Variants in FNDC1 observed in about 807,000 individuals in gnomAD.
FNDC1 encodes the protein fibronectin type III domain containing 1, also known as fibronectin type III domain-containing protein 1.
In FNDC1, 96 loss-of-function variants were observed where a neutral mutation model predicts 168.0. That is an observed-to-expected ratio of 0.57 (90% confidence interval 0.48 to 0.68). The LOEUF (loss-of-function observed/expected upper bound fraction) is 0.68. Ranked by LOEUF, FNDC1 falls within the 30% of genes least tolerant of loss-of-function variation. The probability of loss-of-function intolerance (pLI) is 0.00; values close to 1 mark genes in which losing one functional copy is unlikely to be tolerated. For missense variants in FNDC1, 2,587 were observed against 2,482.1 expected (o/e 1.04, Z -0.90); for synonymous variants, 1,099 against 1,025.9 (o/e 1.07, Z -1.36).
chr6:159,221,812 T>A, intron 6 of FNDC1, 116 bp downstream of exon 6: 1 of 852,566 alleles, frequency 1.2e-6, no homozygotes, highest in Non-Finnish European at 1.9e-6. Context: ...CTAAAAGAAA[T>A]AACAGGGCAA....
At chr6:159,174,454 T>G (rs1442776244) in intron 1 of FNDC1, among the ~76,000 whole-genome samples, 1 of 152,262 alleles carries the variant, frequency 6.6e-6, no homozygotes, top group South Asian at 2.1e-4. Context: ...TAGAGGGCGC[T>G]CCTGGACTTC....
chr6:159,199,614 T>C (rs796711366), intron 2 of FNDC1, among the ~76,000 whole-genome samples: 6 of 152,346 alleles, frequency 3.9e-5, no homozygotes, highest in African/African-American at 1.2e-4. Flanking sequence ...GGAAGGATTA[T>C]TAGTAGTGAC....
At chr6:159,222,934 T>C (rs1442241683) in intron 6 of FNDC1, among the ~76,000 whole-genome samples, 1 of 151,996 alleles carries the variant, frequency 6.6e-6, no homozygotes, top group African/African-American at 2.4e-5. Flanking sequence ...ATCCCCTTTG[T>C]ACTGTTTTAT....
Position 159,239,693 on chromosome 6 carries a change from C to G in FNDC1, c.4357C>G (p.Pro1453Ala). 1 of 1,551,376 alleles carries G rather than the reference C, an allele frequency of 6.4e-7. No individual in the cohort carries two copies. Among genetic ancestry groups the G allele is most frequent in the Middle Eastern group, 1.7e-4 (1 of 5,808 alleles). The change falls in exon 14 of 23, where the codon CCC becomes GCC. Residue 1453 changes from proline to alanine, a missense_variant. Physicochemically the swap from Pro to Ala is conservative, Grantham distance 27. Transcript: ENST00000297267. ...CCATCCCCCTACCACTACCATGCAGCCCACCACTACTACGACGCCCCTGCC... is the reference window on the plus strand; with the variant it reads ...CCATCCCCCTACCACTACCATGCAGGCCACCACTACTACGACGCCCCTGCC... ...TTHPPTTTMQ[P>A]TTTTTPLPTT...
At chr6:159,220,624 G>A (rs1782802612) in intron 5 of FNDC1, among the ~76,000 whole-genome samples, 1 of 152,170 alleles carries the variant, frequency 6.6e-6, no homozygotes, top group Non-Finnish European at 1.5e-5. Flanking sequence ...AATAAAAAAG[G>A]TTTTACCTGG....
chr6:159,177,660 A>G (rs1781792577), intron 1 of FNDC1, among the ~76,000 whole-genome samples: 1 of 152,202 alleles, frequency 6.6e-6, no homozygotes, highest in Non-Finnish European at 1.5e-5. Context: ...CCATGGTGGC[A>G]CAGAATCACA....
intron 1 of FNDC1, among the ~76,000 whole-genome samples, chr6:159,170,320 G>A (rs769530496): frequency 1.3e-5 from 2 of 152,226 alleles, no homozygotes; most frequent in Non-Finnish European, 2.9e-5. Context: ...GTCTTGAGAG[G>A]AGGGAGAGGG....
intron 7 of FNDC1, among the ~76,000 whole-genome samples, chr6:159,224,379 C>T (rs1189956010): frequency 5.9e-5 from 9 of 152,084 alleles, no homozygotes; most frequent in African/African-American, 2.2e-4. Flanking sequence ...CAAGAGAAAG[C>T]CACAGATGTG....
intron 1 of FNDC1, among the ~76,000 whole-genome samples, chr6:159,180,257 A>C (rs983426519): frequency 4.6e-5 from 7 of 152,078 alleles, no homozygotes; most frequent in African/African-American, 1.7e-4. Context: ...GTCATATGGC[A>C]TTCTCCCTGC....
chr6:159,261,040 G>T (rs1322803031), intron 18 of FNDC1, 150 bp from the exon 19 acceptor site: 6 of 595,518 alleles, frequency 1.0e-5, no homozygotes, highest in African/African-American at 1.9e-5. Context: ...TTCAGAAAAA[G>T]ACATGAAGAA....
chr6:159,212,850 T>C (rs1026074989), intron 4 of FNDC1, among the ~76,000 whole-genome samples: 1 of 152,162 alleles, frequency 6.6e-6, no homozygotes, highest in Non-Finnish European at 1.5e-5. Context: ...GGATGGCCCA[T>C]GGGGTAAGGA....
At chr6:159,258,698 CG>C (rs1472977923) in intron 18 of FNDC1, among the ~76,000 whole-genome samples, 1 of 152,196 alleles carries the variant, frequency 6.6e-6, no homozygotes, top group Non-Finnish European at 1.5e-5. Flanking sequence ...CTGGTAGAGA[CG>C]CTGGCAGCTC....
chr6:159,261,516 A>G (rs1447556408), intron 19 of FNDC1, among the ~76,000 whole-genome samples: 6 of 152,236 alleles, frequency 3.9e-5, no homozygotes, highest in African/African-American at 7.2e-5. Context: ...GAAAAAATCT[A>G]GATTTCAACA....
At chr6:159,181,057 A>G (rs944634731) in intron 1 of FNDC1, among the ~76,000 whole-genome samples, 4 of 152,236 alleles carry the variant, frequency 2.6e-5, no homozygotes, top group African/African-American at 4.8e-5. Context: ...AAATCACCAC[A>G]CTATCTTCCA....
intron 4 of FNDC1, among the ~76,000 whole-genome samples, 185 bp downstream of exon 4, chr6:159,200,766 G>A (rs917906345): frequency 1.3e-5 from 2 of 152,236 alleles, no homozygotes; most frequent in Admixed American, 6.5e-5. Flanking sequence ...TGTAACCAGT[G>A]TTGCTTATTG....
intron 1 of FNDC1, among the ~76,000 whole-genome samples, chr6:159,193,233 A>G (rs1782174859): frequency 1.3e-5 from 2 of 152,276 alleles, no homozygotes; most frequent in South Asian, 4.2e-4. Context: ...TTAGAAAAAA[A>G]TCCCAGAATG....
intron 5 of FNDC1, among the ~76,000 whole-genome samples, chr6:159,217,742 C>T (rs1191821329): frequency 6.6e-6 from 1 of 152,162 alleles, no homozygotes. Context: ...AAAGCCAGCC[C>T]AGCGTATGGA....
intron 4 of FNDC1, among the ~76,000 whole-genome samples, chr6:159,207,323 G>T (rs1583871101): frequency 6.6e-6 from 1 of 152,334 alleles, no homozygotes; most frequent in South Asian, 2.1e-4. Flanking sequence ...AGGGGCGGGG[G>T]CTCTGGGAAG....
rs748501787 is a variant in FNDC1, at chr6:159,246,899, A to G, written c.4622-2A>G. On this transcript the variant is annotated splice_acceptor_variant, in intron 14 of 22. Transcript: ENST00000297267. LOFTEE classifies it high-confidence loss of function. Reference sequence around the variant, plus strand: ...ACTGGTCCTTTTCTCTGTCCTCACTAGATGAGTTCTCAGGCTTGGAGACTG... The same window carrying G: ...ACTGGTCCTTTTCTCTGTCCTCACTGGATGAGTTCTCAGGCTTGGAGACTG... 1.9e-6 allele frequency: 3 copies of G among 1,609,358 alleles called. No homozygotes were observed. Among genetic ancestry groups the G allele is most frequent in the Non-Finnish European group, 1.7e-6 (2 of 1,175,622 alleles).
Sources: allele counts gnomAD v4.1 joint callset (sites outside exome capture counted in the v4.1 genomes callset), GRCh38; gene constraint gnomAD v4.1.1; transcripts MANE v1.5; gene names NCBI Gene and HGNC (gene_info 2026-07-23, HGNC 2026-07-21).